NEMP1: variants seen among roughly 807,000 people sequenced by gnomAD.
NEMP1 encodes the protein nuclear envelope integral membrane protein 1.
In NEMP1, 29 loss-of-function variants were observed where a neutral mutation model predicts 53.7. The observed-to-expected ratio is 0.54, with a 90% CI of 0.40 to 0.74. NEMP1 has a LOEUF of 0.74. NEMP1 is among the 30% of genes least tolerant of loss of function. The probability of loss-of-function intolerance (pLI) is 0.00; values close to 1 mark genes in which losing one functional copy is unlikely to be tolerated. For synonymous variants in NEMP1, 193 were observed against 192.9 expected, an observed-to-expected ratio of 1.00 and a Z score of 0.00; for missense variants, 477 against 528.6, an observed-to-expected ratio of 0.90 and a Z score of 0.96.
intron 7 of NEMP1, among the ~76,000 whole-genome samples, chr12:57,061,326 T>C (rs1018567352): frequency 6.6e-6 from 1 of 152,242 alleles, no homozygotes; most frequent in Admixed American, 6.5e-5. Context: ...CAAACTCACT[T>C]TATTTTCCAA....
chr12:57,067,726 T>G (rs184781466), intron 4 of NEMP1, among the ~76,000 whole-genome samples: 7 of 152,300 alleles, frequency 4.6e-5, no homozygotes, highest in African/African-American at 9.6e-5. Flanking sequence ...TCTTCCCTCA[T>G]GTATTTCCCA....
chr12:57,083,799 G>T (rs2032914063), intron 1 of NEMP1, among the ~76,000 whole-genome samples: 1 of 152,206 alleles, frequency 6.6e-6, no homozygotes, highest in Admixed American at 6.5e-5. Context: ...TTGAGACGGA[G>T]TTTTGCTTTT....
At chr12:57,060,127 G>C (rs1036452903) in intron 8 of NEMP1, 68 bp from the exon 9 acceptor site, 5 of 1,492,576 alleles carry the variant, frequency 3.3e-6, no homozygotes, top group Admixed American at 3.8e-5. Flanking sequence ...TTCAAAATAA[G>C]AACAAATTAA....
rs937989379 is a variant in NEMP1, at chr12:57,056,651, G to A, written c.*3228C>T. The A allele has an allele frequency of 1.3e-5, 2 of 151,852 alleles. No homozygotes were observed. Among genetic ancestry groups the A allele is most frequent in the African/African-American group, 4.8e-5 (2 of 41,334 alleles). 9.4% of individuals were successfully genotyped at this position (151,852 alleles called of 1,614,324 possible). On this transcript the variant is annotated 3_prime_UTR_variant, in exon 9 of 9. Transcript: ENST00000300128. ...ACAGCTAGGAACCATTTTTACGTAG[G>A]CATCCATCTGAGCCCATCTTGTTTT...
rs1249960570 is a variant in NEMP1 at position 57,078,740 on chromosome 12, C to G, written c.6G>C (p.Ala2=). 2 of 1,611,188 alleles carry G rather than the reference C, an allele frequency of 1.2e-6. No homozygotes were observed. Among genetic ancestry groups the G allele is most frequent in the Admixed American group, 1.7e-5 (1 of 59,758 alleles). Residue 2 remains alanine (A), a synonymous_variant, in exon 1 of 9, where the codon GCG becomes GCC. Coordinates refer to ENST00000300128, the MANE Select transcript of NEMP1 (RefSeq NM_001130963.2). M[A]GGMKVAVSPA... ...GCGAGACCGCCACTTTCATTCCTCCCGCCATGGTTGCCTCAAGCCACCTCC... is the reference window on the plus strand; with the variant it reads ...GCGAGACCGCCACTTTCATTCCTCCGGCCATGGTTGCCTCAAGCCACCTCC...
At chr12:57,071,286 A>G (rs375165850) in intron 2 of NEMP1, among the ~76,000 whole-genome samples, 1 of 152,222 alleles carries the variant, frequency 6.6e-6, no homozygotes, top group African/African-American at 2.4e-5. Context: ...GTTTTCCGTA[A>G]TGACAGGCTG....
In NEMP1 at chr12:57,056,965, G is replaced by A. The variant is rs1474654462; in HGVS notation, c.*2914C>T. The A allele has an allele frequency of 1.3e-5, 2 of 152,160 alleles. No individual in the cohort carries two copies. Among genetic ancestry groups the A allele is most frequent in the African/African-American group, 4.8e-5 (2 of 41,440 alleles). The allele number at this position is 152,160 out of a possible 1,614,324, so 9.4% of individuals were successfully genotyped here. ...TGAATTTGAGGGGAAAAATAAACTAGTTTTGGTGGGATGCAGTGGCTAACA... is the reference window on the plus strand; with the variant it reads ...TGAATTTGAGGGGAAAAATAAACTAATTTTGGTGGGATGCAGTGGCTAACA... On this transcript the variant is annotated 3_prime_UTR_variant, in exon 9 of 9. Transcript: ENST00000300128.
At chr12:57,083,122 AT>A (rs879649327), upstream of NEMP1, among the ~76,000 whole-genome samples, 9 of 151,524 alleles carry the variant, frequency 5.9e-5, no homozygotes, top group South Asian at 1.0e-3. Context: ...CACATACTTC[AT>A]TTTTTTTTAT....
In NEMP1 at chr12:57,056,439, AAT is replaced by A. The variant is rs2031528526; in HGVS notation, c.*3438_*3439del. On this transcript the variant is annotated 3_prime_UTR_variant, in exon 9 of 9. Coordinates refer to ENST00000300128, the MANE Select transcript of NEMP1 (RefSeq NM_001130963.2). ...ATATGTTTATTAATTGGTTTCAGTT[AAT>A]ATGTAATATGAAGGCATGATAAATG... 1 of 152,248 alleles carries A rather than the reference AAT, an allele frequency of 6.6e-6. No homozygotes were observed. Among genetic ancestry groups the A allele is most frequent in the South Asian group, 2.1e-4 (1 of 4,830 alleles). 9.4% of individuals were successfully genotyped at this position (152,248 alleles called of 1,614,324 possible).
At chr12:57,072,695 A>G in intron 2 of NEMP1, 93 bp downstream of exon 2, 1 of 1,337,522 alleles carries the variant, frequency 7.5e-7, no homozygotes, top group Non-Finnish European at 1.0e-6. Context: ...ATTTTTTTTA[A>G]GCATGTGAAG....
rs1284127193 is a variant in NEMP1, at chr12:57,059,206, A to G, written c.*673T>C. The G allele has an allele frequency of 6.6e-6, 1 of 152,252 alleles. No individual in the cohort carries two copies. Among genetic ancestry groups the G allele is most frequent in the Non-Finnish European group, 1.5e-5 (1 of 68,050 alleles). 9.4% of individuals were successfully genotyped at this position (152,252 alleles called of 1,614,324 possible). A position where few individuals can be genotyped will look rare whatever the true frequency, so the allele number is the denominator to read the frequency against. On this transcript the variant is annotated 3_prime_UTR_variant, in exon 9 of 9. Coordinates refer to ENST00000300128, the MANE Select transcript of NEMP1 (RefSeq NM_001130963.2). The stretch of plus-strand genomic sequence containing the variant: ...ACTTTCTATCATATGTATGAGAACT[A>G]AATCAAAGCTTAAAACAACAGCTCC...
At chr12:57,079,349 T>C (rs2032774675), upstream of NEMP1, among the ~76,000 whole-genome samples, 1 of 152,258 alleles carries the variant, frequency 6.6e-6, no homozygotes, top group Non-Finnish European at 1.5e-5. Context: ...TAAAAATGTA[T>C]TCATAGGATT....
intron 4 of NEMP1, among the ~76,000 whole-genome samples, chr12:57,068,311 T>A (rs1173554458): frequency 1.3e-5 from 2 of 152,142 alleles, no homozygotes; most frequent in Non-Finnish European, 2.9e-5. Context: ...CTCACCTGTC[T>A]TAACTAGTAG....
At chr12:57,076,533 C>T (rs1396979946) in intron 1 of NEMP1, among the ~76,000 whole-genome samples, 7 of 152,066 alleles carry the variant, frequency 4.6e-5, no homozygotes, top group African/African-American at 1.4e-4. Flanking sequence ...TGTGGCTGGG[C>T]GTGGTGGCTC....
At chr12:57,062,317 T>C (rs1335382053) in intron 7 of NEMP1, among the ~76,000 whole-genome samples, 1 of 151,696 alleles carries the variant, frequency 6.6e-6, no homozygotes, top group Non-Finnish European at 1.5e-5. Flanking sequence ...ACATCTCTAT[T>C]AAAAATACAA....
At chr12:57,064,262 G>A (rs1011112158) in intron 5 of NEMP1, 77 bp from the exon 6 acceptor site, 3 of 885,930 alleles carry the variant, frequency 3.4e-6, no homozygotes, top group South Asian at 1.7e-5. Flanking sequence ...ATGGAACTAT[G>A]ATTTTTTTTT....
At chr12:57,069,687 G>A (rs533408875) in intron 3 of NEMP1, among the ~76,000 whole-genome samples, 3 of 151,816 alleles carry the variant, frequency 2.0e-5, no homozygotes, top group Admixed American at 2.0e-4. Context: ...GATTTGCCCA[G>A]AACTGTGGGT....
At chr12:57,079,551 G>A (rs937273283), upstream of NEMP1, among the ~76,000 whole-genome samples, 1 of 152,200 alleles carries the variant, frequency 6.6e-6, no homozygotes, top group Non-Finnish European at 1.5e-5. Context: ...CAAAGCCGGA[G>A]TTATTTATAT....
At chr12:57,062,371 T>A (rs979777153) in intron 7 of NEMP1, among the ~76,000 whole-genome samples, 1 of 151,992 alleles carries the variant, frequency 6.6e-6, no homozygotes, top group South Asian at 2.1e-4. Context: ...TCCCAACTAT[T>A]CGGGAGGCTG....
Sources: allele counts gnomAD v4.1 joint callset (sites outside exome capture counted in the v4.1 genomes callset), GRCh38; gene constraint gnomAD v4.1.1; transcripts MANE v1.5; gene names NCBI Gene and HGNC (gene_info 2026-07-23, HGNC 2026-07-21).